IL26: variants seen among roughly 807,000 people sequenced by gnomAD.
IL26 encodes the protein interleukin 26, also known as interleukin-26.
Under a neutral mutation model 21.7 loss-of-function variants are expected in IL26, and 23 were observed. The observed-to-expected ratio is 1.06, with a 90% CI of 0.76 to 1.50. The LOEUF is 1.50. IL26 is among the 40% of genes most tolerant of loss of function. The pLI is 0.00. For missense variants in IL26, 204 were observed against 196.0 expected (o/e 1.04, Z -0.24); for synonymous variants, 63 against 67.8 (o/e 0.93, Z 0.34).
At chr12:68,219,633 G>C (rs1868991118) in intron 3 of IL26, among the ~76,000 whole-genome samples, 1 of 151,632 alleles carries the variant, frequency 6.6e-6, no homozygotes, top group South Asian at 2.1e-4. Context: ...AAAATTTCAA[G>C]TTAATGACCC....
At chr12:68,214,942 T>C (rs1868834267) in intron 3 of IL26, among the ~76,000 whole-genome samples, 1 of 152,078 alleles carries the variant, frequency 6.6e-6, no homozygotes, top group African/African-American at 2.4e-5. Flanking sequence ...TTCTACTGTC[T>C]TCTGTGGTTA....
At chr12:68,204,430 G>C (rs1003116136) in intron 3 of IL26, among the ~76,000 whole-genome samples, 1 of 151,994 alleles carries the variant, frequency 6.6e-6, no homozygotes, top group Non-Finnish European at 1.5e-5. Flanking sequence ...GGCATGAGCC[G>C]CCGCGCCTGG....
In IL26 at chr12:68,225,166, G is replaced by A. The variant is rs369981889; in HGVS notation, c.346C>T (p.Gln116Ter). The change falls in exon 3 of 5, where the codon CAG becomes TAG. Residue 116 changes from glutamine (Q) to a stop codon, truncating the protein, a stop_gained. Transcript: ENST00000229134. LOFTEE classifies it high-confidence loss of function. ...RFVEDFHSLR[Q>*]KLSHCISCAS... ...ATACTTACACAGTGGCTCAATTTCTGCCTAAGGCTATGAAAGTCCTCCACA... is the reference window on the plus strand; with the variant it reads ...ATACTTACACAGTGGCTCAATTTCTACCTAAGGCTATGAAAGTCCTCCACA... 1.9e-6 allele frequency: 3 copies of A among 1,611,680 alleles called. No individual in the cohort carries two copies. The African/African-American group carries it at 4.0e-5, about 22-fold the overall frequency.
At chr12:68,205,297 A>G (rs1015071162) in intron 3 of IL26, among the ~76,000 whole-genome samples, 1 of 97,496 alleles carries the variant, frequency 1.0e-5, no homozygotes, top group African/African-American at 4.0e-5. Context: ...CCCCCGCCCC[A>G]CCAATGAAGT....
rs1270747527 is a variant in IL26, at chr12:68,224,014, AC to A, written c.363+1134del. On this transcript the variant is annotated intron_variant, in intron 3 of 4. Transcript: ENST00000229134. Reference sequence around the variant, plus strand: ...CACTTTAGTTGACCACAAGAAAAAAACATCTTAACTCTTAAAAAATAAACAC... The same window carrying A: ...CACTTTAGTTGACCACAAGAAAAAAAATCTTAACTCTTAAAAAATAAACAC... 6.2e-5 allele frequency among the ~76,000 whole-genome samples: 9 copies of A among 146,014 alleles called. No homozygotes were observed. In the East Asian group the frequency reaches 8.0e-4, roughly 13 times the overall value.
chr12:68,220,044 C>T (rs933744722), intron 3 of IL26, among the ~76,000 whole-genome samples: 1 of 151,972 alleles, frequency 6.6e-6, no homozygotes, highest in Non-Finnish European at 1.5e-5. Flanking sequence ...AAAAAATAAC[C>T]TTGCATCTAC....
intron 3 of IL26, among the ~76,000 whole-genome samples, chr12:68,204,163 A>ATTTTTTTTTTTTTTTTTTT (rs1868467372): frequency 2.0e-5 from 1 of 49,548 alleles, no homozygotes; most frequent in African/African-American, 7.2e-5. Flanking sequence ...TTTTTTTTTG[A>ATTTTTTTTTTTTTTTTTTT]GGCAGAGTCT....
At position 68,202,093 on chromosome 12, in the gene IL26, C is replaced by A. The variant is rs1868406046; in HGVS notation, c.364-10G>T. The A allele has an allele frequency of 6.5e-7, 1 of 1,529,956 alleles. No homozygotes were observed. Among genetic ancestry groups the A allele is most frequent in the South Asian group, 1.2e-5 (1 of 82,788 alleles). The allele number at this position is 1,529,956 out of a possible 1,614,324, so 94.8% of individuals were successfully genotyped here. ...ATGAAGCACAGGAAATCTAAGAAAT[C>A]AACAGTAATTACAGATAATATTGTT... On this transcript the variant is annotated splice_polypyrimidine_tract_variant and intron_variant, in intron 3 of 4. Transcript: ENST00000229134.
chr12:68,213,802 A>G (rs1868799922), intron 3 of IL26, among the ~76,000 whole-genome samples: 1 of 151,932 alleles, frequency 6.6e-6, no homozygotes, highest in Non-Finnish European at 1.5e-5. Context: ...ATCTTTTCAA[A>G]AAAACCAATT....
Position 68,201,849 on chromosome 12 carries a change from T to C in IL26, c.512A>G (p.Gln171Arg), listed in dbSNP as rs748174615. 3 of 1,586,426 alleles carry C rather than the reference T, an allele frequency of 1.9e-6. No individual in the cohort carries two copies. The highest frequency in any genetic ancestry group is 2.2e-5 in the East Asian group (1 of 44,618). Residue 171 changes from glutamine (Q) to arginine (R), a missense_variant, in exon 5 of 5, where the codon CAG becomes CGG. Physicochemically the swap from Gln to Arg is conservative, Grantham distance 43. Coordinates refer to ENST00000229134, the MANE Select transcript of IL26 (RefSeq NM_018402.2). ...ATCAATGTACTTGGCTTTGGTTTACTGACTGCTTTCCAATAATTTTTTAAT... is the reference window on the plus strand; with the variant it reads ...ATCAATGTACTTGGCTTTGGTTTACCGACTGCTTTCCAATAATTTTTTAAT... ...SWIKKLLESS[Q>R]
At chr12:68,224,566 AG>A in intron 3 of IL26, among the ~76,000 whole-genome samples, 1 of 151,078 alleles carries the variant, frequency 6.6e-6, no homozygotes, top group Non-Finnish European at 1.5e-5. Flanking sequence ...GGCATCAGTT[AG>A]TTATTATTGT....
intron 3 of IL26, among the ~76,000 whole-genome samples, chr12:68,208,624 T>C (rs1868614233): frequency 6.6e-6 from 1 of 152,136 alleles, no homozygotes; most frequent in Non-Finnish European, 1.5e-5. Context: ...TGCCTCAGCC[T>C]CCCAAGTAGC....
At chr12:68,221,658 A>G (rs1469437947) in intron 3 of IL26, among the ~76,000 whole-genome samples, 1 of 152,248 alleles carries the variant, frequency 6.6e-6, no homozygotes, top group South Asian at 2.1e-4. Context: ...ATGAACTGCA[A>G]GTGAAATAGA....
intron 3 of IL26, among the ~76,000 whole-genome samples, chr12:68,218,891 G>C (rs1868968029): frequency 6.6e-6 from 1 of 151,936 alleles, no homozygotes; most frequent in South Asian, 2.1e-4. Context: ...AAGAAAGCTG[G>C]AGTGATTCTA....
intron 3 of IL26, among the ~76,000 whole-genome samples, chr12:68,223,597 G>T (rs188799926): frequency 7.8e-4 from 118 of 152,214 alleles, no homozygotes; most frequent in African/African-American, 2.6e-3. Flanking sequence ...TATCAGGCAA[G>T]GATTTAACAA....
rs1214553689 is a variant in IL26 at position 68,202,072 on chromosome 12, A to T, written c.375T>A (p.Ala125=). ...RQKLSHCISC[A]SSAREMKSIT... Reference sequence around the variant, plus strand: ...TGGATTTCATCTCTCTAGCTGATGAAGCACAGGAAATCTAAGAAATCAACA... The same window carrying T: ...TGGATTTCATCTCTCTAGCTGATGATGCACAGGAAATCTAAGAAATCAACA... The change falls in exon 4 of 5, where the codon GCT becomes GCA. Residue 125 remains alanine (A), a synonymous_variant. Transcript: ENST00000229134. 4.4e-6 allele frequency: 7 copies of T among 1,576,892 alleles called. No individual in the cohort carries two copies. Among genetic ancestry groups the T allele is most frequent in the Non-Finnish European group, 5.2e-6 (6 of 1,154,222 alleles).
chr12:68,202,172 G>C, intron 3 of IL26, 89 bp from the exon 4 acceptor site: 1 of 841,578 alleles, frequency 1.2e-6, no homozygotes, highest in Non-Finnish European at 1.9e-6. Flanking sequence ...TATAGAGCAG[G>C]TATTATGTGC....
intron 3 of IL26, among the ~76,000 whole-genome samples, chr12:68,212,807 T>C (rs1431556668): frequency 2.0e-5 from 3 of 152,158 alleles, no homozygotes; most frequent in African/African-American, 7.2e-5. Flanking sequence ...CTTTAGGATA[T>C]TTTGAATATA....
intron 3 of IL26, among the ~76,000 whole-genome samples, chr12:68,222,957 C>CA (rs1869100574): frequency 6.6e-6 from 1 of 152,242 alleles, no homozygotes; most frequent in Non-Finnish European, 1.5e-5. Flanking sequence ...GCTAAGCCCT[C>CA]TCCCAACCAC....
Sources: allele counts gnomAD v4.1 joint callset (sites outside exome capture counted in the v4.1 genomes callset), GRCh38; gene constraint gnomAD v4.1.1; transcripts MANE v1.5; gene names NCBI Gene and HGNC (gene_info 2026-07-23, HGNC 2026-07-21).